NEDD9: variants seen among roughly 807,000 people sequenced by gnomAD.
NEDD9 encodes the protein enhancer of filamentation 1.
Under a neutral mutation model 76.6 loss-of-function variants are expected in NEDD9, and 26 were observed. The ratio of observed to expected loss-of-function variants is 0.34; its 90% confidence interval spans 0.25 to 0.47. NEDD9 has a LOEUF of 0.47. NEDD9 is among the 20% of genes least tolerant of loss of function. NEDD9 has a pLI of 1.00. For synonymous variants in NEDD9, 392 were observed against 414.2 expected, an observed-to-expected ratio of 0.95 and a Z score of 0.65; for missense variants, 937 against 1,058.5, an observed-to-expected ratio of 0.89 and a Z score of 1.59.
At chr6:11,305,205 T>G in intron 3 of NEDD9, 1 of 1,178,614 alleles carries the variant, frequency 8.5e-7, no homozygotes, top group Non-Finnish European at 1.1e-6. Context: ...ATAAGGGAAT[T>G]TACCTTTTTT....
chr6:11,364,253 G>T (rs1762724357), intron 1 of NEDD9, among the ~76,000 whole-genome samples: 1 of 152,144 alleles, frequency 6.6e-6, no homozygotes, highest in African/African-American at 2.4e-5. Flanking sequence ...CGTTGCTGGA[G>T]GAGTTAAGTA....
At position 11,342,117 on chromosome 6, in the gene NEDD9, C is replaced by T. The variant is rs184944675; in HGVS notation, c.-213-7556G>A. On this transcript the variant is annotated intron_variant, in intron 1 of 3. Coordinates refer to the NEDD9 transcript ENST00000397378. ...AGAAGAAAAAGTGAAGTTGGAGACA[C>T]AGCAGTAGAAAATATCAAATCTGAA... is the stretch of plus-strand genomic sequence containing the variant. Among the ~76,000 whole-genome samples, 651 of 151,866 alleles carry T rather than the reference C, an allele frequency of 4.3e-3. 2 individuals carry two copies. The highest frequency in any genetic ancestry group is 0.015 in the African/African-American group (619 of 41,440).
intron 3 of NEDD9, among the ~76,000 whole-genome samples, chr6:11,193,177 TGC>T (rs141854786): frequency 0.16 from 24,005 of 150,924 alleles, 2,127 homozygotes; most frequent in Non-Finnish European, 0.2. Flanking sequence ...GTGGTGTGTG[TGC>T]CTGTAGTCCC....
chr6:11,363,894 T>C (rs1335044188), intron 1 of NEDD9, among the ~76,000 whole-genome samples: 1 of 152,138 alleles, frequency 6.6e-6, no homozygotes, highest in Non-Finnish European at 1.5e-5. Context: ...AACAGATATA[T>C]ATATTACCTT....
intron 1 of NEDD9, among the ~76,000 whole-genome samples, chr6:11,216,328 A>G (rs1046489248): frequency 4.6e-5 from 7 of 152,212 alleles, no homozygotes; most frequent in African/African-American, 1.7e-4. Context: ...AGCTACAGAG[A>G]GCCAATGTCT....
At chr6:11,364,844 A>T (rs1762734942) in intron 1 of NEDD9, among the ~76,000 whole-genome samples, 1 of 152,280 alleles carries the variant, frequency 6.6e-6, no homozygotes, top group Non-Finnish European at 1.5e-5. Context: ...AATAGAATGG[A>T]TGTCATGCTA....
chr6:11,281,222 A>G (rs760229451), intron 3 of NEDD9, among the ~76,000 whole-genome samples: 1 of 152,196 alleles, frequency 6.6e-6, no homozygotes, highest in African/African-American at 2.4e-5. Context: ...TGCTTACAGA[A>G]CCCTGACTTC....
intron 3 of NEDD9, among the ~76,000 whole-genome samples, chr6:11,193,217 A>G (rs550971478): frequency 7.9e-5 from 12 of 151,896 alleles, no homozygotes; most frequent in African/African-American, 2.7e-4. Context: ...AGGCAGGGGC[A>G]GGAGAGTTGC....
intron 6 of NEDD9, 79 bp downstream of exon 6, chr6:11,188,139 T>C: frequency 9.2e-7 from 1 of 1,090,986 alleles, no homozygotes; most frequent in South Asian, 1.3e-5. Context: ...AATCATAATC[T>C]CTTGAAGTGA....
intron 2 of NEDD9, among the ~76,000 whole-genome samples, chr6:11,325,110 C>T (rs1331018179): frequency 6.6e-6 from 1 of 152,038 alleles, no homozygotes; most frequent in Non-Finnish European, 1.5e-5. Context: ...AATCCCAGCA[C>T]TTTGGGAGGC....
rs1029450321 is a variant in NEDD9, at chr6:11,213,903, A to G, written c.13-176T>C. Among the ~76,000 whole-genome samples, 5 of 152,180 alleles carry G rather than the reference A, an allele frequency of 3.3e-5. No homozygotes were observed. Among genetic ancestry groups the G allele is most frequent in the African/African-American group, 1.2e-4 (5 of 41,448 alleles). On this transcript the variant is annotated intron_variant, in intron 1 of 6. Coordinates refer to ENST00000379446, the MANE Select transcript of NEDD9 (RefSeq NM_006403.4). This position sits in a 1 kb window ranked among gnomAD's most constrained non-coding sequence, Gnocchi z 5.4. The stretch of plus-strand genomic sequence containing the variant: ...GCAGACAAAAGACAGATACATATAC[A>G]CTGCATCTGCCACCAGTGACATCAG...
chr6:11,193,582 G>A lies in NEDD9; in HGVS notation c.561+9C>T, dbSNP rs780678329. On this transcript the variant is annotated intron_variant, in intron 3 of 6. Transcript: ENST00000379446. ...GCTTCTCCTCTTGTGACCATGTTCT[G>A]GTACGCACCCCTTGAGTGGTATGAG... is the stretch of plus-strand genomic sequence containing the variant. 3.3e-5 allele frequency: 53 copies of A among 1,601,420 alleles called. No individual in the cohort carries two copies. The South Asian group carries it at 5.8e-4, about 18-fold the overall frequency.
At chr6:11,276,342 T>C (rs1760415941) in intron 3 of NEDD9, among the ~76,000 whole-genome samples, 1 of 152,246 alleles carries the variant, frequency 6.6e-6, no homozygotes, top group African/African-American at 2.4e-5. Flanking sequence ...TGTGTGTGTG[T>C]GCATGTATGT....
At chr6:11,325,151 T>A (rs538898672) in intron 2 of NEDD9, among the ~76,000 whole-genome samples, 1 of 152,200 alleles carries the variant, frequency 6.6e-6, no homozygotes, top group Admixed American at 6.5e-5. Flanking sequence ...GGTCAGGAGT[T>A]TGAGACTAGC....
chr6:11,296,787 A>T (rs1047657787), intron 3 of NEDD9, among the ~76,000 whole-genome samples: 18 of 150,968 alleles, frequency 1.2e-4, no homozygotes, highest in African/African-American at 4.4e-4. Flanking sequence ...GGAGTGCAGT[A>T]GCGTGATCTG....
In NEDD9 at chr6:11,190,396, T is replaced by TCTG; in HGVS notation, c.1472_1473insCAG (p.Arg491dup). ...TCAGGATCTGGTGGGAGTCTTCAAC[T>TCTG]CGTTGCAGCTCCCGCTTCATCTTGT... On this transcript the variant is annotated inframe_insertion, in exon 5 of 7. Transcript: ENST00000379446. The surrounding 1 kb of genome is among the most constrained non-coding windows in gnomAD (Gnocchi z 5.8). 6.2e-7 allele frequency: 1 copy of TCTG among 1,614,206 alleles called. No homozygotes were observed.
At chr6:11,234,665 G>C (rs745459827), upstream of NEDD9, among the ~76,000 whole-genome samples, 1 of 151,684 alleles carries the variant, frequency 6.6e-6, no homozygotes, top group Non-Finnish European at 1.5e-5. Flanking sequence ...AAAGCACAAG[G>C]GTGTTGGAAT....
At chr6:11,298,992 C>G (rs907327017) in intron 3 of NEDD9, among the ~76,000 whole-genome samples, 6 of 152,198 alleles carry the variant, frequency 3.9e-5, no homozygotes, top group Admixed American at 6.5e-5. Flanking sequence ...ACCGGTTGGA[C>G]AGTGGATGCA....
chr6:11,210,766 G>GGAGAGAGA (rs147934321), intron 2 of NEDD9, among the ~76,000 whole-genome samples: 42,593 of 121,490 alleles, frequency 0.35, 8,413 homozygotes, highest in South Asian at 0.47. Context: ...AGGGATGGGG[G>GGAGAGAGA]GAGAGAGAGA....
Sources: allele counts gnomAD v4.1 joint callset (sites outside exome capture counted in the v4.1 genomes callset), GRCh38; gene constraint gnomAD v4.1.1; non-coding constraint Gnocchi (gnomAD v3.1); transcripts MANE v1.5; gene names NCBI Gene and HGNC (gene_info 2026-07-23, HGNC 2026-07-21).